The following CDK2AP2 variants were observed in gnomAD, a reference collection of about 807,000 sequenced individuals.
CDK2AP2 encodes cyclin-dependent kinase 2-associated protein 2.
In CDK2AP2, 1 loss-of-function variant was observed where a neutral mutation model predicts 13.0. That is an observed-to-expected ratio of 0.08 (90% confidence interval 0.03 to 0.37). The LOEUF (loss-of-function observed/expected upper bound fraction) is 0.37. CDK2AP2 is among the 10% of genes least tolerant of loss of function. The pLI is 0.99. For missense variants in CDK2AP2, 129 were observed against 175.8 expected, an observed-to-expected ratio of 0.73 and a Z score of 1.50; for synonymous variants, 76 against 73.0, an observed-to-expected ratio of 1.04 and a Z score of -0.21.
rs1397254030 is a variant in CDK2AP2, at chr11:67,507,988, G to C, written c.82+13C>G. ...CGCCCGGCAGGCGAGCAGGGGTGGAGCTGGATCCTCACCTGTAGGGACCGG... is the reference window on the plus strand; with the variant it reads ...CGCCCGGCAGGCGAGCAGGGGTGGACCTGGATCCTCACCTGTAGGGACCGG... On this transcript the variant is annotated intron_variant, in intron 1 of 3. Coordinates refer to ENST00000301488, the MANE Select transcript of CDK2AP2 (RefSeq NM_005851.5). 1 of 1,549,474 alleles carries C rather than the reference G, an allele frequency of 6.5e-7. No individual in the cohort carries two copies. Among genetic ancestry groups the C allele is most frequent in the Non-Finnish European group, 8.7e-7 (1 of 1,146,656 alleles).
In CDK2AP2 at chr11:67,506,917, C is replaced by A. The variant is rs1409031818; in HGVS notation, c.*28G>T. The A allele has an allele frequency of 6.5e-7, 1 of 1,544,694 alleles. No homozygotes were observed. The highest frequency in any genetic ancestry group is 1.2e-5 in the South Asian group (1 of 83,910). ...GGTGCTCTGCAGTGGCCGGATAGGT[C>A]CAGACGCTGAGGCCGAGGCGCTTCC... is the stretch of plus-strand genomic sequence containing the variant. On this transcript the variant is annotated 3_prime_UTR_variant, in exon 4 of 4. Coordinates refer to ENST00000301488, the MANE Select transcript of CDK2AP2 (RefSeq NM_005851.5).
In CDK2AP2 at chr11:67,507,605, A is replaced by G. The variant is rs1250728984; in HGVS notation, c.167T>C (p.Met56Thr). 7.4e-6 allele frequency: 12 copies of G among 1,613,484 alleles called. No individual in the cohort carries two copies. The highest frequency in any genetic ancestry group is 1.1e-5 in the South Asian group (1 of 91,092). Reference sequence around the variant, plus strand: ...GGCCCCACTCACCTGCACGTAGCCCATGGAAGGCGGTCCAAAGTCGTTAAA... The same window carrying G: ...GGCCCCACTCACCTGCACGTAGCCCGTGGAAGGCGGTCCAAAGTCGTTAAA... ...PLFNDFGPPS[M>T]GYVQAMKPPG... The change falls in exon 2 of 4, where the codon ATG (methionine) becomes ACG (threonine). Residue 56 changes from methionine (M) to threonine (T), a missense_variant. This residue lies in a region of CDK2AP2 where 98 missense variants were observed against 99.7 expected (regional missense o/e 0.98). Coordinates refer to ENST00000301488, the MANE Select transcript of CDK2AP2 (RefSeq NM_005851.5).
In CDK2AP2 at chr11:67,506,684, G is replaced by T. The variant is rs1866531691; in HGVS notation, c.*261C>A. 1.3e-5 allele frequency: 7 copies of T among 540,428 alleles called. No individual in the cohort carries two copies. The East Asian group carries it at 2.0e-4, about 15-fold the overall frequency. 33.5% of individuals were successfully genotyped at this position (540,428 alleles called of 1,614,324 possible). A position where few individuals can be genotyped will look rare whatever the true frequency, so the allele number is the denominator to read the frequency against. ...TGCTGGGAAGGGCTGAGCGGTAGGGGCCACAAAAGTTCCGGTGGGCAACAC... is the reference window on the plus strand; with the variant it reads ...TGCTGGGAAGGGCTGAGCGGTAGGGTCCACAAAAGTTCCGGTGGGCAACAC... On this transcript the variant is annotated 3_prime_UTR_variant, in exon 4 of 4. Coordinates refer to ENST00000301488, the MANE Select transcript of CDK2AP2 (RefSeq NM_005851.5).
intron 1 of CDK2AP2, 127 bp downstream of exon 1, chr11:67,507,874 T>G: frequency 6.5e-7 from 1 of 1,541,516 alleles, no homozygotes; most frequent in Non-Finnish European, 8.7e-7. Context: ...CCACGCCCAC[T>G]TCACAGGCCA....
intron 3 of CDK2AP2, 24 bp from the exon 4 acceptor site, chr11:67,507,036 C>A: frequency 6.6e-7 from 1 of 1,509,678 alleles, no homozygotes. Context: ...GGGGTCTCAG[C>A]AACCCTCCAC....
intron 1 of CDK2AP2, 93 bp from the exon 2 acceptor site, chr11:67,507,782 T>A: frequency 6.4e-7 from 1 of 1,554,638 alleles, no homozygotes; most frequent in Non-Finnish European, 8.7e-7. Context: ...CCCGATTCCC[T>A]CCAAAGGATG....
chr11:67,507,559 C>G (rs760609598), intron 2 of CDK2AP2, 33 bp downstream of exon 2: 2 of 1,613,450 alleles, frequency 1.2e-6, no homozygotes, highest in Non-Finnish European at 8.5e-7. Context: ...GACTCCAGTC[C>G]GCATCCATAA....
rs1414226129 is a variant in CDK2AP2 at position 67,508,153 on chromosome 11, CG to C, written c.-72del. On this transcript the variant is annotated 5_prime_UTR_variant, in exon 1 of 4. Transcript: ENST00000301488. ...GGTTGGCTGCGGGGCCGCTCAGCCG[CG>C]CTCTGATTGGCAAGCGGGCTGCACG... 1.4e-6 allele frequency: 2 copies of C among 1,421,442 alleles called. No individual in the cohort carries two copies. The highest frequency in any genetic ancestry group is 2.7e-5 in the East Asian group (1 of 37,502). 88.1% of individuals were successfully genotyped at this position (1,421,442 alleles called of 1,614,324 possible).
chr11:67,506,960 C>T lies in CDK2AP2; in HGVS notation c.366G>A (p.Arg122=), dbSNP rs1866542658. 1.3e-6 allele frequency: 2 copies of T among 1,558,768 alleles called. No homozygotes were observed. The highest frequency in any genetic ancestry group is 1.7e-6 in the Non-Finnish European group (2 of 1,151,094). ...LVRECLAETE[R]NART ...GCGCTTCCTGTTACGTGCGGGCGTT[C>T]CGCTCTGTCTCTGCCAGGCACTCTC... Residue 122 remains arginine (R), a synonymous_variant, in exon 4 of 4, where the codon CGG becomes CGA. Coordinates refer to ENST00000301488, the MANE Select transcript of CDK2AP2 (RefSeq NM_005851.5).
intron 2 of CDK2AP2, 41 bp downstream of exon 2, chr11:67,507,551 C>T: frequency 6.2e-7 from 1 of 1,613,630 alleles, no homozygotes; most frequent in Non-Finnish European, 8.5e-7. Flanking sequence ...GGGAGGGGGA[C>T]TCCAGTCCGC....
Position 67,507,568 on chromosome 11 carries a change from A to C in CDK2AP2, c.180+24T>G, listed in dbSNP as rs766322108. The C allele has an allele frequency of 1.1e-5, 18 of 1,613,428 alleles. No individual in the cohort carries two copies. The Admixed American group carries it at 3.0e-4, about 27-fold the overall frequency. On this transcript the variant is annotated intron_variant, in intron 2 of 3. Coordinates refer to ENST00000301488, the MANE Select transcript of CDK2AP2 (RefSeq NM_005851.5). The stretch of plus-strand genomic sequence containing the variant: ...GAGGGGGACTCCAGTCCGCATCCAT[A>C]AGCAAGGCTTTGGCCCCACTCACCT...
chr11:67,506,914 G>C lies in CDK2AP2; in HGVS notation c.*31C>G, dbSNP rs1001408108. On this transcript the variant is annotated 3_prime_UTR_variant, in exon 4 of 4. Coordinates refer to ENST00000301488, the MANE Select transcript of CDK2AP2 (RefSeq NM_005851.5). ...GCGGGTGCTCTGCAGTGGCCGGATA[G>C]GTCCAGACGCTGAGGCCGAGGCGCT... 12 of 1,538,964 alleles carry C rather than the reference G, an allele frequency of 7.8e-6. No homozygotes were observed. In the African/African-American group the frequency reaches 1.4e-4, roughly 18 times the overall value.
At chr11:67,507,909 G>A in intron 1 of CDK2AP2, 92 bp downstream of exon 1, 17 of 1,546,506 alleles carry the variant, frequency 1.1e-5, no homozygotes, top group Non-Finnish European at 1.5e-5. Context: ...AGCGAGGGTA[G>A]GCGGCAGGCC....
At chr11:67,507,206 G>A (rs1866551564) in intron 3 of CDK2AP2, 159 bp downstream of exon 3, 2 of 918,798 alleles carry the variant, frequency 2.2e-6, no homozygotes, top group Non-Finnish European at 3.4e-6. Context: ...GCTCTTCCCT[G>A]GAAATGGACT....
At chr11:67,507,804 G>A in intron 1 of CDK2AP2, 115 bp from the exon 2 acceptor site, 2 of 1,540,530 alleles carry the variant, frequency 1.3e-6, no homozygotes, top group South Asian at 2.4e-5. Context: ...TTCATTCCAT[G>A]CTGATCAACT....
intron 2 of CDK2AP2, 45 bp downstream of exon 2, chr11:67,507,547 G>A (rs1410078744): frequency 1.2e-6 from 2 of 1,613,636 alleles, no homozygotes. Flanking sequence ...GGCGGGGAGG[G>A]GGACTCCAGT....
At chr11:67,507,342 C>CA (rs1565200826) in intron 3 of CDK2AP2, 23 bp downstream of exon 3, 2 of 1,611,856 alleles carry the variant, frequency 1.2e-6, no homozygotes, top group African/African-American at 2.7e-5. Flanking sequence ...GTTTCCTGAG[C>CA]AGGGCGGCCT....
At position 67,506,597 on chromosome 11, in the gene CDK2AP2, G is replaced by C. The variant is rs187921848; in HGVS notation, c.*348C>G. The C allele has an allele frequency of 9.2e-3, 3,631 of 394,346 alleles. 24 individuals carry two copies. Among genetic ancestry groups the C allele is most frequent in the Non-Finnish European group, 0.012 (2,570 of 215,154 alleles). The allele number at this position is 394,346 out of a possible 1,614,324, so 24.4% of individuals were successfully genotyped here. A position where few individuals can be genotyped will look rare whatever the true frequency, so the allele number is the denominator to read the frequency against. ...TCACTATGGCTCAGGACACAAGGCA[G>C]GGAGGTGCCAGGCCTGTGCCCCTGC... is the stretch of plus-strand genomic sequence containing the variant. On this transcript the variant is annotated 3_prime_UTR_variant, in exon 4 of 4. Transcript: ENST00000301488.
rs1199541226 is a variant in CDK2AP2, at chr11:67,507,817, A to T, written c.83-128T>A. 2.6e-6 allele frequency: 4 copies of T among 1,537,304 alleles called. No individual in the cohort carries two copies. In the African/African-American group the frequency reaches 4.1e-5, roughly 16 times the overall value. ...GCTTCATTCCATGCTGATCAACTTC[A>T]GGGACAAATCCCTCCCACTGCGCTC... is the stretch of plus-strand genomic sequence containing the variant. On this transcript the variant is annotated intron_variant, in intron 1 of 3. Transcript: ENST00000301488.
Sources: allele counts gnomAD v4.1 joint callset, GRCh38; gene constraint gnomAD v4.1.1; regional missense constraint gnomAD v4.1.1; transcripts MANE v1.5; gene names NCBI Gene and HGNC (gene_info 2026-07-23, HGNC 2026-07-21).